The following KCNB2 variants were observed in gnomAD, a reference collection of about 807,000 sequenced individuals.
The protein encoded by KCNB2 is delayed rectifier potassium channel protein.
Under a neutral mutation model 61.5 loss-of-function variants are expected in KCNB2, and 15 were observed. That is an observed-to-expected ratio of 0.24 (90% CI 0.16 to 0.38). KCNB2 has a LOEUF of 0.38. Ranked by LOEUF, KCNB2 falls within the 10% of genes least tolerant of loss-of-function variation. KCNB2 has a pLI of 1.00. For missense variants in KCNB2, 828 were observed against 1,125.2 expected (o/e 0.74, Z 3.78); for synonymous variants, 457 against 446.0 (o/e 1.02, Z -0.31).
intron 2 of KCNB2, among the ~76,000 whole-genome samples, chr8:72,687,111 T>G (rs1195142812): frequency 6.6e-6 from 1 of 152,236 alleles, no homozygotes; most frequent in Non-Finnish European, 1.5e-5. Flanking sequence ...AATGTCTTCA[T>G]AAATATTTGG....
chr8:72,725,577 A>ATG (rs1397992108), intron 2 of KCNB2, among the ~76,000 whole-genome samples: 18 of 65,704 alleles, frequency 2.7e-4, no homozygotes, highest in African/African-American at 6.1e-4. Flanking sequence ...ATATATATGT[A>ATG]TATATATATG....
intron 2 of KCNB2, among the ~76,000 whole-genome samples, chr8:72,920,085 A>C (rs1563424464): frequency 6.6e-6 from 1 of 152,138 alleles, no homozygotes; most frequent in Non-Finnish European, 1.5e-5. Flanking sequence ...AAAACTATTG[A>C]GTCAATTATT....
At chr8:72,887,687 G>T (rs1363064070) in intron 2 of KCNB2, among the ~76,000 whole-genome samples, 1 of 152,206 alleles carries the variant, frequency 6.6e-6, no homozygotes, top group Non-Finnish European at 1.5e-5. Context: ...TTTCCTAAGT[G>T]CTTTATTTCT....
chr8:72,814,674 G>A (rs988953842), intron 2 of KCNB2, among the ~76,000 whole-genome samples: 5 of 152,060 alleles, frequency 3.3e-5, no homozygotes, highest in South Asian at 2.1e-4. Context: ...ATAAAAGTCC[G>A]CTATTTAAAT....
intron 2 of KCNB2, among the ~76,000 whole-genome samples, chr8:72,576,190 G>C (rs1318073333): frequency 6.6e-6 from 1 of 152,176 alleles, no homozygotes; most frequent in Non-Finnish European, 1.5e-5. Context: ...CTTAGCATTG[G>C]TGGTTTGATT....
intron 2 of KCNB2, among the ~76,000 whole-genome samples, chr8:72,627,135 A>C (rs1287941417): frequency 6.6e-6 from 1 of 152,222 alleles, no homozygotes; most frequent in Non-Finnish European, 1.5e-5. Flanking sequence ...AATTATTCCT[A>C]GTCATTTACC....
intron 2 of KCNB2, among the ~76,000 whole-genome samples, chr8:72,634,984 A>C (rs78754183): frequency 0.015 from 2,286 of 152,196 alleles, 57 homozygotes; most frequent in African/African-American, 0.051. Flanking sequence ...TCATATTGGG[A>C]GCTGGTCCAG....
intron 2 of KCNB2, among the ~76,000 whole-genome samples, chr8:72,754,861 C>G (rs2128995963): frequency 6.6e-6 from 1 of 152,148 alleles, no homozygotes; most frequent in South Asian, 2.1e-4. Flanking sequence ...GGAGAGGGAG[C>G]AGAACTACCC....
chr8:72,715,115 C>A (rs1807406129), intron 2 of KCNB2, among the ~76,000 whole-genome samples: 1 of 152,160 alleles, frequency 6.6e-6, no homozygotes, highest in African/African-American at 2.4e-5. Flanking sequence ...AACTAACTAT[C>A]CTAAATATAT....
chr8:72,544,519 A>G (rs768804063), intron 1 of KCNB2, among the ~76,000 whole-genome samples: 80 of 152,330 alleles, frequency 5.3e-4, no homozygotes, highest in Middle Eastern at 3.4e-3. Context: ...AATACAACTA[A>G]GATAATGTCT....
intron 2 of KCNB2, among the ~76,000 whole-genome samples, chr8:72,925,619 A>C (rs542168139): frequency 6.6e-6 from 1 of 152,236 alleles, no homozygotes; most frequent in Non-Finnish European, 1.5e-5. Context: ...ATTGTGGAGA[A>C]AAGGGAATGC....
intron 2 of KCNB2, among the ~76,000 whole-genome samples, chr8:72,597,273 A>G (rs1807214813): frequency 6.6e-6 from 1 of 151,944 alleles, no homozygotes; most frequent in Non-Finnish European, 1.5e-5. Context: ...CTACCTCGTG[A>G]TCTGCCCACC....
intron 2 of KCNB2, among the ~76,000 whole-genome samples, chr8:72,903,450 G>GCAT (rs1387290867): frequency 6.6e-6 from 1 of 152,170 alleles, no homozygotes; most frequent in East Asian, 1.9e-4. Context: ...ACATGATGGT[G>GCAT]CATGCCTGTA....
intron 2 of KCNB2, among the ~76,000 whole-genome samples, chr8:72,638,836 A>C (rs1185058985): frequency 6.6e-6 from 1 of 152,156 alleles, no homozygotes; most frequent in Non-Finnish European, 1.5e-5. Flanking sequence ...ACTACATTGC[A>C]TTGTTTTCCA....
intron 2 of KCNB2, among the ~76,000 whole-genome samples, chr8:72,919,055 C>T (rs1485755877): frequency 1.3e-5 from 2 of 152,176 alleles, no homozygotes; most frequent in African/African-American, 4.8e-5. Flanking sequence ...TTCACCATAT[C>T]TTCAAGCACA....
At chr8:72,554,150 G>A (rs1269398853) in intron 1 of KCNB2, among the ~76,000 whole-genome samples, 1 of 152,022 alleles carries the variant, frequency 6.6e-6, no homozygotes, top group South Asian at 2.1e-4. Context: ...CCTACAAAAC[G>A]CATGCTAGAA....
chr8:72,670,730 A>G (rs1026018679), intron 2 of KCNB2, among the ~76,000 whole-genome samples: 10 of 152,234 alleles, frequency 6.6e-5, no homozygotes, highest in Non-Finnish European at 1.2e-4. Flanking sequence ...CCTGGCTTTA[A>G]GGTATATCTC....
chr8:72,936,227 T>C lies in KCNB2; in HGVS notation c.872T>C (p.Leu291Pro). ...IFLTESNKSV[L>P]QFQNVRRVVQ... ...CTGACGGAGTCCAACAAGAGCGTGC[T>C]GCAGTTCCAAAACGTGAGGCGCGTG... is the stretch of plus-strand genomic sequence containing the variant. The change falls in exon 3 of 3, where the codon CTG becomes CCG. Residue 291 changes from leucine (L) to proline (P), a missense_variant. By Grantham distance (98) the Leu-to-Pro change is moderately conservative. Coordinates refer to ENST00000523207, the MANE Select transcript of KCNB2 (RefSeq NM_004770.3). The surrounding 1 kb of genome is among the most constrained non-coding windows in gnomAD (Gnocchi z 5.6). 1 of 1,614,264 alleles carries C rather than the reference T, an allele frequency of 6.2e-7. No individual in the cohort carries two copies. The highest frequency in any genetic ancestry group is 1.1e-5 in the South Asian group (1 of 91,090).
intron 2 of KCNB2, among the ~76,000 whole-genome samples, chr8:72,790,340 A>G (rs1260610046): frequency 6.6e-6 from 1 of 152,154 alleles, no homozygotes; most frequent in African/African-American, 2.4e-5. Flanking sequence ...GGAGTCAGAG[A>G]CACAGGAGAG....
Sources: allele counts gnomAD v4.1 joint callset (sites outside exome capture counted in the v4.1 genomes callset), GRCh38; gene constraint gnomAD v4.1.1; non-coding constraint Gnocchi (gnomAD v3.1); transcripts MANE v1.5; gene names NCBI Gene and HGNC (gene_info 2026-07-23, HGNC 2026-07-21).